Variants in ALDH1A1 observed in about 807,000 individuals in gnomAD.
ALDH1A1 encodes aldehyde dehydrogenase 1A1.
Under a neutral mutation model 62.1 loss-of-function variants are expected in ALDH1A1, and 19 were observed. The observed-to-expected ratio is 0.31, with a 90% CI of 0.21 to 0.45. The LOEUF (loss-of-function observed/expected upper bound fraction) is 0.45. Ranked by LOEUF, ALDH1A1 falls within the 20% of genes least tolerant of loss-of-function variation. The pLI is 1.00. For synonymous variants in ALDH1A1, 231 were observed against 215.9 expected (o/e 1.07, Z -0.61); for missense variants, 521 against 607.1 (o/e 0.86, Z 1.49).
chr9:72,902,666 A>C (rs4646547), intron 12 of ALDH1A1, among the ~76,000 whole-genome samples: 63,866 of 151,670 alleles, frequency 0.42, 14,843 homozygotes, highest in East Asian at 0.57. Flanking sequence ...TGAAGCTCTC[A>C]GGAGAGTAAT....
chr9:72,938,133 A>C (rs1344380181), intron 2 of ALDH1A1, among the ~76,000 whole-genome samples: 1 of 152,162 alleles, frequency 6.6e-6, no homozygotes, highest in African/African-American at 2.4e-5. Context: ...ACTGGGCAGG[A>C]GACTGGCAGG....
intron 9 of ALDH1A1, among the ~76,000 whole-genome samples, chr9:72,913,877 T>C (rs1277537708): frequency 2.0e-5 from 3 of 152,206 alleles, no homozygotes; most frequent in Admixed American, 2.0e-4. Flanking sequence ...TGGTGGAGCT[T>C]GGGACTACAA....
At chr9:72,903,484 T>C (rs1256576586) in intron 12 of ALDH1A1, among the ~76,000 whole-genome samples, 1 of 152,048 alleles carries the variant, frequency 6.6e-6, no homozygotes, top group Non-Finnish European at 1.5e-5. Flanking sequence ...TCATTTGAGG[T>C]TATCGCCTGA....
chr9:72,948,575 C>T (rs1158765556), intron 1 of ALDH1A1, among the ~76,000 whole-genome samples: 1 of 151,938 alleles, frequency 6.6e-6, no homozygotes, highest in African/African-American at 2.4e-5. Context: ...TTATTCTCTA[C>T]ATCCCTCAGG....
At chr9:72,929,353 A>G (rs928643173) in intron 3 of ALDH1A1, among the ~76,000 whole-genome samples, 2 of 152,236 alleles carry the variant, frequency 1.3e-5, no homozygotes, top group African/African-American at 4.8e-5. Flanking sequence ...TCTAAGTCCT[A>G]TCAGAATTCC....
chr9:72,927,433 A>G (rs1057296550), intron 4 of ALDH1A1, among the ~76,000 whole-genome samples: 1 of 152,216 alleles, frequency 6.6e-6, no homozygotes, highest in African/African-American at 2.4e-5. Flanking sequence ...GTAATTCGAA[A>G]TGATAGGAAC....
At chr9:72,907,776 G>T (rs1311883003) in intron 11 of ALDH1A1, among the ~76,000 whole-genome samples, 1 of 152,106 alleles carries the variant, frequency 6.6e-6, no homozygotes, top group African/African-American at 2.4e-5. Context: ...GTAGTACTTG[G>T]TATAAATATC....
chr9:72,943,260 C>T (rs374975000), intron 1 of ALDH1A1, among the ~76,000 whole-genome samples: 2 of 152,052 alleles, frequency 1.3e-5, no homozygotes, highest in Admixed American at 1.3e-4. Flanking sequence ...TAGTTCTCGC[C>T]CGAGTCCTCT....
chr9:72,907,172 C>T (rs1262141155), intron 11 of ALDH1A1, among the ~76,000 whole-genome samples: 1 of 152,188 alleles, frequency 6.6e-6, no homozygotes, highest in Non-Finnish European at 1.5e-5. Context: ...CTATGTCTCT[C>T]ATCCTGGAGG....
intron 7 of ALDH1A1, among the ~76,000 whole-genome samples, chr9:72,922,822 A>G (rs1830160582): frequency 6.6e-6 from 1 of 152,200 alleles, no homozygotes; most frequent in Admixed American, 6.5e-5. Flanking sequence ...TCTACAATAA[A>G]TCTTGACTGT....
intron 5 of ALDH1A1, among the ~76,000 whole-genome samples, chr9:72,926,398 C>A (rs1367142274): frequency 6.6e-6 from 1 of 152,166 alleles, no homozygotes; most frequent in African/African-American, 2.4e-5. Flanking sequence ...AAAGATAAGT[C>A]TTGACCATTT....
chr9:72,921,044 G>A (rs1188859299), intron 7 of ALDH1A1, among the ~76,000 whole-genome samples: 2 of 152,038 alleles, frequency 1.3e-5, no homozygotes, highest in South Asian at 2.1e-4. Flanking sequence ...TCAAGAGATC[G>A]AGACCATCCT....
chr9:72,951,724 C>T (rs1830546217), intron 1 of ALDH1A1, among the ~76,000 whole-genome samples: 1 of 151,912 alleles, frequency 6.6e-6, no homozygotes, highest in African/African-American at 2.4e-5. Flanking sequence ...GGATTTACTG[C>T]ATTTTTCATG....
At chr9:72,933,636 A>AG (rs1830312448) in intron 2 of ALDH1A1, among the ~76,000 whole-genome samples, 1 of 151,098 alleles carries the variant, frequency 6.6e-6, no homozygotes, top group Admixed American at 6.6e-5. Context: ...CAAAAGAAAA[A>AG]AGAAATTGGG....
At chr9:72,918,892 A>C in intron 7 of ALDH1A1, 70 bp from the exon 8 acceptor site, 1 of 1,094,408 alleles carries the variant, frequency 9.1e-7, no homozygotes, top group Non-Finnish European at 1.4e-6. Flanking sequence ...TAGCATTCTA[A>C]ATTTATGTGA....
At chr9:72,938,692 G>A (rs1485029449) in intron 2 of ALDH1A1, among the ~76,000 whole-genome samples, 7 of 151,650 alleles carry the variant, frequency 4.6e-5, no homozygotes, top group South Asian at 2.1e-4. Flanking sequence ...TGATCTGCCC[G>A]CCTCAGCCTC....
chr9:72,937,225 T>C (rs1278450112), intron 2 of ALDH1A1, among the ~76,000 whole-genome samples: 1 of 152,218 alleles, frequency 6.6e-6, no homozygotes, highest in Non-Finnish European at 1.5e-5. Flanking sequence ...TCGAATATAG[T>C]ATAGCATACT....
At chr9:72,923,200 C>T (rs1285970034) in intron 7 of ALDH1A1, among the ~76,000 whole-genome samples, 1 of 152,064 alleles carries the variant, frequency 6.6e-6, no homozygotes, top group Non-Finnish European at 1.5e-5. Flanking sequence ...TTTGTACATG[C>T]CTTAGTACCT....
At chr9:72,945,137 T>A (rs1407854022) in intron 1 of ALDH1A1, among the ~76,000 whole-genome samples, 1 of 152,138 alleles carries the variant, frequency 6.6e-6, no homozygotes, top group Non-Finnish European at 1.5e-5. Flanking sequence ...TGTATAAATC[T>A]ACAGTTCTAA....
Sources: gnomAD v4.1 joint callset for allele counts (sites outside exome capture counted in the v4.1 genomes callset) on GRCh38, gnomAD v4.1.1 for gene constraint, MANE v1.5 for transcripts, NCBI Gene and HGNC (gene_info 2026-07-23, HGNC 2026-07-21) for gene names.